The following FRMD4B variants were observed in gnomAD, a reference collection of about 807,000 sequenced individuals.
The protein encoded by FRMD4B is FERM domain containing 4B.
A neutral mutation model predicts 141.5 loss-of-function variants in FRMD4B; 74 were observed. That is an observed-to-expected ratio of 0.52 (90% CI 0.43 to 0.63). FRMD4B has a LOEUF of 0.63. Ranked by LOEUF, FRMD4B falls within the 30% of genes least tolerant of loss-of-function variation. The pLI, the probability that FRMD4B is intolerant of heterozygous loss-of-function variation, is 0.00. For synonymous variants in FRMD4B, 506 were observed against 467.9 expected (o/e 1.08, Z -1.05); for missense variants, 1,366 against 1,253.4 (o/e 1.09, Z -1.36).
intron 1 of FRMD4B, among the ~76,000 whole-genome samples, chr3:69,366,270 AACAAAAAC>A (rs1275021586): frequency 6.7e-5 from 7 of 104,686 alleles, no homozygotes; most frequent in African/African-American, 3.1e-4. Flanking sequence ...AAAAAACAAA[AACAAAAAC>A]AAAAACAAAA....
intron 1 of FRMD4B, among the ~76,000 whole-genome samples, chr3:69,457,041 C>T (rs552171672): frequency 1.3e-5 from 2 of 151,088 alleles, no homozygotes; most frequent in Non-Finnish European, 2.9e-5. Flanking sequence ...CACACACAAA[C>T]GTGTGTGTGT....
At chr3:69,378,387 T>C (rs1392325124) in intron 1 of FRMD4B, among the ~76,000 whole-genome samples, 1 of 152,204 alleles carries the variant, frequency 6.6e-6, no homozygotes, top group Admixed American at 6.5e-5. Flanking sequence ...GCTCTTCACC[T>C]TCTATCAGGG....
chr3:69,176,768 AG>A (rs2092650666), intron 21 of FRMD4B, 112 bp from the exon 22 acceptor site: 4 of 680,364 alleles, frequency 5.9e-6, no homozygotes, highest in Admixed American at 5.4e-5. Flanking sequence ...GAAATTTAAG[AG>A]GGTTTGAAAT....
At chr3:69,268,447 G>T (rs1322230435) in intron 5 of FRMD4B, among the ~76,000 whole-genome samples, 1 of 151,954 alleles carries the variant, frequency 6.6e-6, no homozygotes, top group Non-Finnish European at 1.5e-5. Flanking sequence ...CTCAACTTCT[G>T]TACTTACCCT....
chr3:69,332,056 C>G (rs1702386018), intron 1 of FRMD4B, among the ~76,000 whole-genome samples: 1 of 152,122 alleles, frequency 6.6e-6, no homozygotes, highest in Non-Finnish European at 1.5e-5. Flanking sequence ...CACTGCATTC[C>G]AGCCTGGGCG....
chr3:69,437,609 TTATATATACTATATAAA>T (rs1705279274), intron 1 of FRMD4B, among the ~76,000 whole-genome samples: 1 of 138,284 alleles, frequency 7.2e-6, no homozygotes, highest in South Asian at 2.2e-4. Context: ...TAATAGTATA[TTATATATACTATATAAA>T]TATATATACT....
chr3:69,408,710 C>G (rs2106773277), intron 2 of FRMD4B, among the ~76,000 whole-genome samples: 1 of 152,178 alleles, frequency 6.6e-6, no homozygotes, highest in Middle Eastern at 3.4e-3. Context: ...TGAGCTGGAG[C>G]CAGCAGCATT....
chr3:69,230,192 G>T (rs2093293867), intron 7 of FRMD4B, among the ~76,000 whole-genome samples: 1 of 152,012 alleles, frequency 6.6e-6, no homozygotes, highest in Admixed American at 6.6e-5. Context: ...TGGCCAGGCT[G>T]ATCTTGAACT....
chr3:69,175,708 T>C (rs548413805), intron 22 of FRMD4B, among the ~76,000 whole-genome samples: 62 of 151,666 alleles, frequency 4.1e-4, no homozygotes, highest in African/African-American at 1.4e-3. Flanking sequence ...CAGAATTCAA[T>C]GTACAGACTA....
At chr3:69,522,425 A>C (rs4314173) in intron 1 of FRMD4B, among the ~76,000 whole-genome samples, 84,771 of 151,910 alleles carry the variant, frequency 0.56, 24,444 homozygotes, top group African/African-American at 0.72. Flanking sequence ...AAGGCATAGA[A>C]AAAACATTTA....
intron 22 of FRMD4B, among the ~76,000 whole-genome samples, chr3:69,175,970 T>C (rs977270627): frequency 1.3e-5 from 2 of 151,908 alleles, no homozygotes; most frequent in South Asian, 2.1e-4. Flanking sequence ...TTAGTAGAGA[T>C]GGGGTTTCAC....
In FRMD4B at chr3:69,212,471, T is replaced by C. The variant is rs1354538376; in HGVS notation, c.876+3792A>G. Among the ~76,000 whole-genome samples, 3 of 147,888 alleles carry C rather than the reference T, an allele frequency of 2.0e-5. No homozygotes were observed. In the East Asian group the frequency reaches 5.9e-4, roughly 29 times the overall value. Reference sequence around the variant, plus strand: ...AAAATGGAGTGGCATGTTTTGGAACTGAAATAAAAAAACCCTGCAAATCCA... The same window carrying C: ...AAAATGGAGTGGCATGTTTTGGAACCGAAATAAAAAAACCCTGCAAATCCA... On this transcript the variant is annotated intron_variant, in intron 11 of 22. Transcript: ENST00000398540.
chr3:69,185,538 T>A (rs1423178143), intron 19 of FRMD4B, among the ~76,000 whole-genome samples: 1 of 152,114 alleles, frequency 6.6e-6, no homozygotes, highest in African/African-American at 2.4e-5. Flanking sequence ...AAGCTTTGGA[T>A]CCTGCCAAGT....
At position 69,300,171 on chromosome 3, in the gene FRMD4B, T is replaced by G. The variant is rs994734404; in HGVS notation, c.416+2172A>C. ...AAGACCTCCATAGAACCAGCTACAT[T>G]CCACAGTGACCTCGGTCAGTTCACA... On this transcript the variant is annotated intron_variant, in intron 4 of 22. Coordinates refer to ENST00000398540, the MANE Select transcript of FRMD4B (RefSeq NM_015123.3). 3.9e-4 allele frequency among the ~76,000 whole-genome samples: 60 copies of G among 152,168 alleles called. 1 individual carries two copies. Among genetic ancestry groups the G allele is most frequent in the Non-Finnish European group, 1.6e-4 (11 of 68,024 alleles).
chr3:69,306,083 A>G (rs530854302), intron 3 of FRMD4B, among the ~76,000 whole-genome samples: 1 of 152,236 alleles, frequency 6.6e-6, no homozygotes, highest in Non-Finnish European at 1.5e-5. Flanking sequence ...AGGATAAATT[A>G]CAAATTAGAT....
At chr3:69,278,785 C>T (rs1405779562) in intron 5 of FRMD4B, among the ~76,000 whole-genome samples, 5 of 151,962 alleles carry the variant, frequency 3.3e-5, no homozygotes, top group African/African-American at 1.2e-4. Flanking sequence ...GACGGGGTTT[C>T]ACCACGTTGT....
chr3:69,346,505 G>A (rs918255831), intron 1 of FRMD4B, among the ~76,000 whole-genome samples: 1 of 152,168 alleles, frequency 6.6e-6, no homozygotes, highest in South Asian at 2.1e-4. Flanking sequence ...TCCTCGAGAA[G>A]AGCAACTCCA....
chr3:69,519,377 G>T (rs944540954), intron 1 of FRMD4B, among the ~76,000 whole-genome samples: 5 of 152,096 alleles, frequency 3.3e-5, no homozygotes, highest in African/African-American at 1.2e-4. Flanking sequence ...AATTCAATAT[G>T]AATAGAGCAG....
chr3:69,450,024 T>C (rs1259960757), intron 1 of FRMD4B, among the ~76,000 whole-genome samples: 2 of 150,778 alleles, frequency 1.3e-5, no homozygotes, highest in South Asian at 4.2e-4. Context: ...GCCAGTAAAA[T>C]GGGGAGAACA....
Sources: gnomAD v4.1 joint callset for allele counts (sites outside exome capture counted in the v4.1 genomes callset) on GRCh38, gnomAD v4.1.1 for gene constraint, MANE v1.5 for transcripts, NCBI Gene and HGNC (gene_info 2026-07-23, HGNC 2026-07-21) for gene names.